The following POLR1B variants were observed in gnomAD, a reference collection of about 807,000 sequenced individuals.
POLR1B encodes RNA polymerase I subunit B.
POLR1B carries 30 observed loss-of-function variants against 105.8 expected under a neutral mutation model. The ratio of observed to expected loss-of-function variants is 0.28; its 90% CI spans 0.21 to 0.38. The LOEUF (loss-of-function observed/expected upper bound fraction) is 0.38. Among genes scored for constraint, POLR1B ranks in the 10% least tolerant of loss-of-function variants. The pLI is 1.00. For missense variants in POLR1B, 976 were observed against 1,435.8 expected (o/e 0.68, Z 5.17); for synonymous variants, 485 against 505.1 (o/e 0.96, Z 0.53).
At position 112,563,100 on chromosome 2, in the gene POLR1B, G is replaced by C. The variant is rs1449072244; in HGVS notation, c.1613-1266G>C. 2.7e-5 allele frequency among the ~76,000 whole-genome samples: 4 copies of C among 149,008 alleles called. No homozygotes were observed. The Admixed American group carries it at 2.7e-4, about 10-fold the overall frequency. The stretch of plus-strand genomic sequence containing the variant: ...AATGGAGTCTTGCTCTGTCACCCAG[G>C]CTGGAGTGCAGTGGCGTGATCTCGG... On this transcript the variant is annotated intron_variant, in intron 9 of 14. Transcript: ENST00000263331.
chr2:112,548,959 T>A (rs182787585), intron 3 of POLR1B, among the ~76,000 whole-genome samples: 1 of 152,186 alleles, frequency 6.6e-6, no homozygotes, highest in Non-Finnish European at 1.5e-5. Context: ...TTTTTAGTGT[T>A]ATTTGAAGAC....
intron 9 of POLR1B, among the ~76,000 whole-genome samples, chr2:112,563,501 C>A (rs1341323925): frequency 1.3e-5 from 2 of 152,196 alleles, no homozygotes; most frequent in African/African-American, 2.4e-5. Context: ...CCCCTCAAAC[C>A]CTGCCGCTGT....
intron 12 of POLR1B, among the ~76,000 whole-genome samples, chr2:112,570,375 T>G (rs781024258): frequency 4.6e-5 from 7 of 152,354 alleles, no homozygotes; most frequent in Admixed American, 4.6e-4. Context: ...ATTGACCTAT[T>G]ATCACAGTCA....
intron 7 of POLR1B, among the ~76,000 whole-genome samples, chr2:112,555,026 T>C (rs1683582352): frequency 6.6e-6 from 1 of 151,904 alleles, no homozygotes; most frequent in African/African-American, 2.4e-5. Flanking sequence ...ACAAAAAATA[T>C]AAAAATTAGC....
rs370404438 is a variant in POLR1B, at chr2:112,577,114, A to T, written c.*1385A>T. On this transcript the variant is annotated 3_prime_UTR_variant, in exon 15 of 15. Coordinates refer to ENST00000263331, the MANE Select transcript of POLR1B (RefSeq NM_019014.6). ...AACTGTTGATAATAGATCATCTTGT[A>T]TATACTTCTGCAATTATAAGATGTT... 3.9e-5 allele frequency: 6 copies of T among 152,346 alleles called. No homozygotes were observed. In the South Asian group the frequency reaches 1.2e-3, roughly 32 times the overall value. The allele number at this position is 152,346 out of a possible 1,614,324, so 9.4% of individuals were successfully genotyped here. A position where few individuals can be genotyped will look rare whatever the true frequency, so the allele number is the denominator to read the frequency against.
chr2:112,557,596 GA>G (rs1250944318), intron 7 of POLR1B, among the ~76,000 whole-genome samples: 2 of 152,196 alleles, frequency 1.3e-5, no homozygotes, highest in African/African-American at 4.8e-5. Flanking sequence ...ATTTTATTGA[GA>G]ATAGGGTCTT....
At chr2:112,556,743 T>A (rs1228638334) in intron 7 of POLR1B, among the ~76,000 whole-genome samples, 12 of 152,174 alleles carry the variant, frequency 7.9e-5, no homozygotes, top group Non-Finnish European at 1.2e-4. Context: ...TCTCAAACAT[T>A]CTCTTAGGTA....
chr2:112,542,271 C>T, upstream of POLR1B: 1 of 1,533,664 alleles, frequency 6.5e-7, no homozygotes, highest in Non-Finnish European at 8.7e-7. Flanking sequence ...GCCCGCCACG[C>T]TCTGGCTGGA....
chr2:112,574,201 C>G (rs949969146), intron 14 of POLR1B, among the ~76,000 whole-genome samples: 3 of 152,122 alleles, frequency 2.0e-5, no homozygotes, highest in Non-Finnish European at 4.4e-5. Flanking sequence ...TTCTCACATA[C>G]AATGTTAGCA....
intron 10 of POLR1B, 151 bp downstream of exon 10, chr2:112,564,650 CAG>C: frequency 1.8e-6 from 2 of 1,094,584 alleles, no homozygotes; most frequent in South Asian, 3.0e-5. Flanking sequence ...CCTCTGGTGA[CAG>C]AGGCTTGCCT....
chr2:112,571,271 C>A (rs1364884280), intron 12 of POLR1B, among the ~76,000 whole-genome samples: 1 of 152,134 alleles, frequency 6.6e-6, no homozygotes, highest in Non-Finnish European at 1.5e-5. Flanking sequence ...TTCACCATTT[C>A]TTTGTATGCC....
At chr2:112,561,474 T>C (rs908146140) in intron 9 of POLR1B, among the ~76,000 whole-genome samples, 27 of 152,248 alleles carry the variant, frequency 1.8e-4, no homozygotes, top group East Asian at 3.9e-4. Flanking sequence ...CTTTTTTTTT[T>C]TTACTTAATT....
In POLR1B at chr2:112,550,939, T is replaced by A. The variant is rs2304555; in HGVS notation, c.699T>A (p.Thr233=). 1,115,816 of 1,612,808 alleles carry A rather than the reference T, an allele frequency of 0.69. 392,015 individuals are homozygous for A. The highest frequency in any genetic ancestry group is 0.77 in the Middle Eastern group (4,647 of 6,058). ...NMNLHYLENG[T]VMLNFIYRKE... is the part of the protein sequence containing the mutation. ...ACCTCCACTACTTGGAAAATGGCAC[T>A]GTTATGTTGAACTTTATTTACCGAA... Residue 233 remains threonine, a synonymous_variant, in exon 5 of 15, where the codon ACT becomes ACA. Coordinates refer to ENST00000263331, the MANE Select transcript of POLR1B (RefSeq NM_019014.6).
chr2:112,551,046 TG>T (rs1174960060), intron 5 of POLR1B, 44 bp downstream of exon 5: 4 of 1,562,120 alleles, frequency 2.6e-6, no homozygotes, highest in Non-Finnish European at 2.6e-6. Context: ...AGAAATTCAC[TG>T]GGGGTAGTAT....
chr2:112,568,961 ACT>A, intron 12 of POLR1B, 59 bp downstream of exon 12: 1 of 1,492,554 alleles, frequency 6.7e-7, no homozygotes, highest in Non-Finnish European at 9.2e-7. Flanking sequence ...ATACTAGCAC[ACT>A]CTTTTATTGT....
intron 4 of POLR1B, 93 bp from the exon 5 acceptor site, chr2:112,550,773 G>T (rs1383495472): frequency 2.3e-6 from 3 of 1,327,886 alleles, no homozygotes; most frequent in Non-Finnish European, 3.1e-6. Context: ...GGCTTTAATT[G>T]TGTCTAAGAG....
chr2:112,546,966 A>G, intron 1 of POLR1B, 46 bp from the exon 2 acceptor site: 1 of 1,592,500 alleles, frequency 6.3e-7, no homozygotes, highest in Non-Finnish European at 8.6e-7. Flanking sequence ...TAGAGAAAAA[A>G]TGCCTTGGAA....
chr2:112,551,680 T>G (rs1204974919), intron 5 of POLR1B, 95 bp from the exon 6 acceptor site: 2 of 1,022,202 alleles, frequency 2.0e-6, no homozygotes, highest in Non-Finnish European at 2.8e-6. Flanking sequence ...TAATTTTCCT[T>G]GGGTATTAAA....
chr2:112,547,382 T>C, intron 2 of POLR1B, 39 bp from the exon 3 acceptor site: 1 of 1,594,070 alleles, frequency 6.3e-7, no homozygotes, highest in Non-Finnish European at 8.6e-7. Context: ...TAAATGCAGA[T>C]ATTTCTGTTA....
Sources: gnomAD v4.1 joint callset for allele counts (sites outside exome capture counted in the v4.1 genomes callset) on GRCh38, gnomAD v4.1.1 for gene constraint, MANE v1.5 for transcripts, NCBI Gene and HGNC (gene_info 2026-07-23, HGNC 2026-07-21) for gene names.